Variants in JPT1 observed in about 807,000 individuals in gnomAD.
JPT1 encodes androgen-regulated protein 2.
A neutral mutation model predicts 17.0 loss-of-function variants in JPT1; 5 were observed. The ratio of observed to expected loss-of-function variants is 0.29; its 90% CI spans 0.15 to 0.62. The LOEUF is 0.62. Ranked by LOEUF, JPT1 falls within the 20% of genes least tolerant of loss-of-function variation. The probability of loss-of-function intolerance (pLI) is 0.85; values close to 1 mark genes in which losing one functional copy is unlikely to be tolerated. For synonymous variants in JPT1, 71 were observed against 73.6 expected (o/e 0.96, Z 0.18); for missense variants, 158 against 188.1 (o/e 0.84, Z 0.94).
chr17:75,147,777 TC>T, intron 2 of JPT1, 124 bp from the exon 3 acceptor site: 1 of 680,582 alleles, frequency 1.5e-6, no homozygotes, highest in Non-Finnish European at 2.6e-6. Flanking sequence ...GGCGGGCAGA[TC>T]ACCTGAGGTC....
intron 4 of JPT1, among the ~76,000 whole-genome samples, chr17:75,140,176 G>A (rs7218997): frequency 0.014 from 2,137 of 151,876 alleles, 48 homozygotes; most frequent in African/African-American, 0.048. Context: ...TCAGCCTCCC[G>A]AAGGGCTGGG....
At chr17:75,142,867 T>C (rs1255881001) in intron 4 of JPT1, 1 of 430,374 alleles carries the variant, frequency 2.3e-6, no homozygotes, top group Non-Finnish European at 4.7e-6. Context: ...TATTATGATA[T>C]ACATACGTAT....
intron 1 of JPT1, among the ~76,000 whole-genome samples, chr17:75,149,659 G>A (rs1484352631): frequency 6.6e-6 from 1 of 152,010 alleles, no homozygotes; most frequent in African/African-American, 2.4e-5. Context: ...GAGCCACCAC[G>A]CCCAGCCAAA....
chr17:75,144,828 T>C (rs1032821902), intron 4 of JPT1, among the ~76,000 whole-genome samples: 1 of 151,998 alleles, frequency 6.6e-6, no homozygotes, highest in African/African-American at 2.4e-5. Flanking sequence ...AAACCCCCCA[T>C]ATTTGGTCAC....
intron 4 of JPT1, among the ~76,000 whole-genome samples, chr17:75,143,896 TGGG>T (rs2074374501): frequency 6.6e-6 from 1 of 151,728 alleles, no homozygotes; most frequent in Non-Finnish European, 1.5e-5. Context: ...CAAAAGGGGC[TGGG>T]CACAGTGGCT....
Position 75,148,842 on chromosome 17 carries a change from T to C in JPT1, c.57-171A>G, listed in dbSNP as rs188997897. On this transcript the variant is annotated intron_variant, in intron 1 of 4. Coordinates refer to ENST00000409753, the MANE Select transcript of JPT1 (RefSeq NM_016185.4). ...CAACTCCATCAGTGTCTACATTCAGTGCTGGATGTTAAGATACTAAATACT... is the reference window on the plus strand; with the variant it reads ...CAACTCCATCAGTGTCTACATTCAGCGCTGGATGTTAAGATACTAAATACT... 2.6e-5 allele frequency among the ~76,000 whole-genome samples: 4 copies of C among 152,330 alleles called. No individual in the cohort carries two copies. The East Asian group carries it at 7.7e-4, about 29-fold the overall frequency.
intron 4 of JPT1, chr17:75,142,712 G>A (rs1168370694): frequency 6.6e-6 from 3 of 452,342 alleles, no homozygotes; most frequent in South Asian, 4.7e-5. Context: ...GGAAGGGAGA[G>A]GAGGGAAGAA....
rs1288570615 is a variant in JPT1 at position 75,135,388 on chromosome 17, G to A, written c.*714C>T. 1 of 152,464 alleles carries A rather than the reference G, an allele frequency of 6.6e-6. No homozygotes were observed. Among genetic ancestry groups the A allele is most frequent in the Non-Finnish European group, 1.5e-5 (1 of 68,084 alleles). 9.4% of individuals were successfully genotyped at this position (152,464 alleles called of 1,614,324 possible). ...TCAGGTTATTTAAAACAACACGCCT[G>A]TGGGACCCCGTTCCTGGAGGAAGAC... On this transcript the variant is annotated 3_prime_UTR_variant, in exon 5 of 5. Coordinates refer to ENST00000409753, the MANE Select transcript of JPT1 (RefSeq NM_016185.4).
At chr17:75,137,007 C>T (rs1313937020) in intron 4 of JPT1, among the ~76,000 whole-genome samples, 2 of 152,062 alleles carry the variant, frequency 1.3e-5, no homozygotes, top group African/African-American at 4.8e-5. Context: ...CTTTTTTTCA[C>T]TCTTGGAAAT....
In JPT1 at chr17:75,154,497, T is replaced by C. The variant is rs2074606442; in HGVS notation, c.-100A>G. 7.2e-6 allele frequency: 8 copies of C among 1,112,242 alleles called. No individual in the cohort carries two copies. Among genetic ancestry groups the C allele is most frequent in the Admixed American group, 2.4e-5 (1 of 41,718 alleles). 68.9% of individuals were successfully genotyped at this position (1,112,242 alleles called of 1,614,324 possible). On this transcript the variant is annotated 5_prime_UTR_variant, in exon 1 of 5. Coordinates refer to ENST00000409753, the MANE Select transcript of JPT1 (RefSeq NM_016185.4). ...TCCACACCCAACAGCCGACCACCGC[T>C]GCAGGAGCCGCCGCTGCCGCCTGTC... is the stretch of plus-strand genomic sequence containing the variant.
chr17:75,152,943 TGTAAA>T (rs2074576714), intron 1 of JPT1: 1 of 152,174 alleles, frequency 6.6e-6, no homozygotes, highest in African/African-American at 2.4e-5. Flanking sequence ...AGTATTGAGT[TGTAAA>T]GGAATGTCAT....
rs200788534 is a variant in JPT1 at position 75,150,850 on chromosome 17, T to TC, written c.57-2180_57-2179insG. ...TGAATAAGCAACATTTTTCTTTCTT[T>TC]TTTTTTTTTTTTTTTTTTTTTGAGA... is the stretch of plus-strand genomic sequence containing the variant. On this transcript the variant is annotated intron_variant, in intron 1 of 4. Coordinates refer to ENST00000409753, the MANE Select transcript of JPT1 (RefSeq NM_016185.4). 9.7e-3 allele frequency among the ~76,000 whole-genome samples: 1,058 copies of TC among 109,264 alleles called. 12 individuals are homozygous for TC. The highest frequency in any genetic ancestry group is 0.058 in the African/African-American group (1,009 of 17,456). The allele number at this position is 109,264 out of a possible 152,430, so 71.7% of individuals were successfully genotyped here. A position where few individuals can be genotyped will look rare whatever the true frequency, so the allele number is the denominator to read the frequency against.
intron 4 of JPT1, among the ~76,000 whole-genome samples, chr17:75,144,950 C>G (rs937620923): frequency 5.9e-5 from 9 of 152,026 alleles, no homozygotes; most frequent in African/African-American, 9.7e-5. Flanking sequence ...GGCAATGCTC[C>G]CAAAGGCTCA....
chr17:75,140,206 G>A lies in JPT1; in HGVS notation c.317-3956C>T, dbSNP rs149378964. The stretch of plus-strand genomic sequence containing the variant: ...GCTGGGATTACAGGCATGAGCCACC[G>A]CGCCCAGCCAAATGTTTAGAAACTT... On this transcript the variant is annotated intron_variant, in intron 4 of 4. Transcript: ENST00000409753. Among the ~76,000 whole-genome samples, 239 of 152,026 alleles carry A rather than the reference G, an allele frequency of 1.6e-3. 2 individuals are homozygous for A. The highest frequency in any genetic ancestry group is 5.7e-3 in the African/African-American group (235 of 41,484).
In JPT1 at chr17:75,148,450, T is replaced by C. The variant is rs987848256; in HGVS notation, c.199+79A>G. ...TTTGTTTTTTAGACACGGGGGCACA[T>C]GCTGGTGCCCAAGCTGCATCTGTGG... On this transcript the variant is annotated intron_variant, in intron 2 of 4. Transcript: ENST00000409753. 5.2e-6 allele frequency: 8 copies of C among 1,525,822 alleles called. No individual in the cohort carries two copies. In the African/African-American group the frequency reaches 9.7e-5, roughly 19 times the overall value. 94.5% of individuals were successfully genotyped at this position (1,525,822 alleles called of 1,614,324 possible).
At chr17:75,142,915 G>C (rs761110633) in intron 4 of JPT1, 4 of 394,158 alleles carry the variant, frequency 1.0e-5, no homozygotes, top group Non-Finnish European at 2.0e-5. Context: ...ATCTGTTTTT[G>C]TCCACAGCTA....
chr17:75,142,300 C>T (rs939627985), intron 4 of JPT1, among the ~76,000 whole-genome samples: 4 of 151,538 alleles, frequency 2.6e-5, no homozygotes, highest in African/African-American at 9.7e-5. Context: ...TGGCTCACGC[C>T]TGTAATCCTA....
intron 1 of JPT1, chr17:75,153,860 G>A (rs1421899947): frequency 6.6e-6 from 1 of 152,368 alleles, no homozygotes; most frequent in Non-Finnish European, 1.5e-5. Context: ...TCCAATGGCT[G>A]CGCGCGAGAG....
Position 75,154,414 on chromosome 17 carries a change from G to A in JPT1, c.-17C>T, listed in dbSNP as rs752070155. On this transcript the variant is annotated 5_prime_UTR_variant, in exon 1 of 5. Coordinates refer to ENST00000409753, the MANE Select transcript of JPT1 (RefSeq NM_016185.4). Reference sequence around the variant, plus strand: ...TGTGGTCATGGCGCCGAGGAGCGAGGTAGGCTGGCGCCGGAGCAGAACGCT... The same window carrying A: ...TGTGGTCATGGCGCCGAGGAGCGAGATAGGCTGGCGCCGGAGCAGAACGCT... 8.4e-6 allele frequency: 13 copies of A among 1,547,594 alleles called. No individual in the cohort carries two copies. Among genetic ancestry groups the A allele is most frequent in the South Asian group, 6.0e-5 (5 of 83,894 alleles).
Sources: allele counts gnomAD v4.1 joint callset (sites outside exome capture counted in the v4.1 genomes callset), GRCh38; gene constraint gnomAD v4.1.1; transcripts MANE v1.5; gene names NCBI Gene and HGNC (gene_info 2026-07-23, HGNC 2026-07-21).